Variants in CDH18 observed in about 807,000 individuals in gnomAD.
CDH18 encodes the protein cadherin-18.
Under a neutral mutation model 67.9 loss-of-function variants are expected in CDH18, and 31 were observed. The observed-to-expected ratio is 0.46, with a 90% CI of 0.34 to 0.62. CDH18 has a LOEUF of 0.62. CDH18 is among the 20% of genes least tolerant of loss of function. The pLI is 0.01. For synonymous variants in CDH18, 362 were observed against 347.2 expected, an observed-to-expected ratio of 1.04 and a Z score of -0.48; for missense variants, 890 against 975.5, an observed-to-expected ratio of 0.91 and a Z score of 1.17.
chr5:19,520,439 G>A (rs994620790), intron 10 of CDH18, among the ~76,000 whole-genome samples: 1 of 152,142 alleles, frequency 6.6e-6, no homozygotes, highest in East Asian at 1.9e-4. Flanking sequence ...ATTCATGAAT[G>A]AATTCATTTT....
At chr5:20,426,397 A>T (rs1189445301) in intron 1 of CDH18, among the ~76,000 whole-genome samples, 1 of 151,168 alleles carries the variant, frequency 6.6e-6, no homozygotes, top group Non-Finnish European at 1.5e-5. Context: ...TACTCTTTTA[A>T]CCGTATTTCT....
At chr5:20,208,211 C>A (rs904671128) in intron 2 of CDH18, among the ~76,000 whole-genome samples, 5 of 152,048 alleles carry the variant, frequency 3.3e-5, no homozygotes, top group African/African-American at 1.2e-4. Context: ...TGGCAACAAG[C>A]AAGAGAGAAA....
In CDH18 at chr5:19,625,008, G is replaced by A. The variant is rs76263905; in HGVS notation, c.644-12407C>T. ...CTAGGTGGAGAAAATTGCTGCCCTT[G>A]TAACGGTGGCATTCTAGGAAGGGCA... is the stretch of plus-strand genomic sequence containing the variant. On this transcript the variant is annotated intron_variant, in intron 5 of 12. Transcript: ENST00000382275. 3.6e-3 allele frequency among the ~76,000 whole-genome samples: 545 copies of A among 150,616 alleles called. 29 individuals carry two copies. The East Asian group carries it at 0.095, about 26-fold the overall frequency.
intron 1 of CDH18, among the ~76,000 whole-genome samples, chr5:20,392,475 A>G (rs1448779862): frequency 2.0e-5 from 3 of 151,884 alleles, no homozygotes; most frequent in South Asian, 2.1e-4. Flanking sequence ...TGAGAACTCA[A>G]TTCATATATA....
At chr5:20,089,363 GA>G (rs1298443692) in intron 2 of CDH18, among the ~76,000 whole-genome samples, 1 of 152,096 alleles carries the variant, frequency 6.6e-6, no homozygotes, top group African/African-American at 2.4e-5. Context: ...TATATCAAGT[GA>G]TTAAACTGCA....
chr5:20,177,941 T>C (rs957775608), intron 2 of CDH18, among the ~76,000 whole-genome samples: 2 of 151,884 alleles, frequency 1.3e-5, no homozygotes, highest in African/African-American at 4.9e-5. Flanking sequence ...ATAAGTCCAA[T>C]TAAACCTCTT....
At chr5:19,930,757 T>C (rs1793604163) in intron 2 of CDH18, among the ~76,000 whole-genome samples, 2 of 152,028 alleles carry the variant, frequency 1.3e-5, no homozygotes, top group Admixed American at 1.3e-4. Flanking sequence ...AAACTGCCCT[T>C]GCTTGTAGTG....
intron 5 of CDH18, among the ~76,000 whole-genome samples, chr5:19,711,957 CTG>C (rs1279143347): frequency 2.0e-4 from 30 of 152,186 alleles, no homozygotes; most frequent in Admixed American, 1.5e-3. Flanking sequence ...TACATATACA[CTG>C]TGGAATATTA....
chr5:20,168,676 A>G (rs992681886), intron 2 of CDH18, among the ~76,000 whole-genome samples: 7 of 152,184 alleles, frequency 4.6e-5, no homozygotes, highest in Non-Finnish European at 1.0e-4. Context: ...ACAGTTTGCT[A>G]TCAAAGAGTA....
intron 2 of CDH18, among the ~76,000 whole-genome samples, chr5:19,903,480 A>G (rs1790153184): frequency 6.7e-6 from 1 of 150,028 alleles, no homozygotes; most frequent in Non-Finnish European, 1.5e-5. Flanking sequence ...TAGTATAAAG[A>G]GATCAATATG....
chr5:20,257,259 T>C (rs1326496229), intron 1 of CDH18, among the ~76,000 whole-genome samples: 1 of 152,076 alleles, frequency 6.6e-6, no homozygotes, highest in Non-Finnish European at 1.5e-5. Context: ...AGAATATGTA[T>C]ACTGCAACCC....
Position 20,303,994 on chromosome 5 carries a change from T to C in CDH18, c.-579-48489A>G, listed in dbSNP as rs112363004. The C allele has an allele frequency of 6.9e-3, 6,821 of 986,376 alleles. 120 individuals are homozygous for C. The highest frequency in any genetic ancestry group is 0.052 in the African/African-American group (3,223 of 62,578). The allele number at this position is 986,376 out of a possible 1,614,324, so 61.1% of individuals were successfully genotyped here. A position where few individuals can be genotyped will look rare whatever the true frequency, so the allele number is the denominator to read the frequency against. On this transcript the variant is annotated intron_variant, in intron 1 of 14. Transcript: ENST00000507958. ...GAGAAGAAAAACTAAGTCGAAGGGA[T>C]GGTGGAAGAAGCAGCAACTTGGCAA...
chr5:20,022,822 A>G (rs1259716744), intron 2 of CDH18, among the ~76,000 whole-genome samples: 1 of 152,174 alleles, frequency 6.6e-6, no homozygotes, highest in Non-Finnish European at 1.5e-5. Flanking sequence ...AATATTATGA[A>G]TATGTAATTG....
intron 1 of CDH18, among the ~76,000 whole-genome samples, chr5:19,983,951 A>G (rs1799310668): frequency 6.6e-6 from 1 of 152,204 alleles, no homozygotes; most frequent in Non-Finnish European, 1.5e-5. Flanking sequence ...ACACCCACCA[A>G]TTCAAAGTTC....
intron 1 of CDH18, among the ~76,000 whole-genome samples, chr5:20,398,544 T>C (rs1410666881): frequency 1.3e-5 from 2 of 152,100 alleles, no homozygotes; most frequent in East Asian, 3.9e-4. Flanking sequence ...GAAGCTGGCA[T>C]CAAAAGCAAT....
intron 1 of CDH18, among the ~76,000 whole-genome samples, chr5:20,443,561 T>C (rs1749790150): frequency 2.0e-5 from 3 of 151,902 alleles, no homozygotes; most frequent in Admixed American, 1.3e-4. Flanking sequence ...TCCCGTATTT[T>C]CCTGGAGACA....
chr5:19,755,431 G>GTATATATATATATATA (rs1256145011), intron 3 of CDH18, among the ~76,000 whole-genome samples: 19 of 77,340 alleles, frequency 2.5e-4, no homozygotes, highest in Admixed American at 9.8e-4. Context: ...AACAGGGTAT[G>GTATATATATATATATA]TATATATATA....
chr5:20,371,878 T>G (rs1743030267), intron 1 of CDH18, among the ~76,000 whole-genome samples: 1 of 152,194 alleles, frequency 6.6e-6, no homozygotes, highest in African/African-American at 2.4e-5. Context: ...CATGTAAGTT[T>G]GAGGCTTTGG....
chr5:19,804,293 T>G (rs1451022593), intron 3 of CDH18, among the ~76,000 whole-genome samples: 1 of 144,586 alleles, frequency 6.9e-6, no homozygotes, highest in Non-Finnish European at 1.5e-5. Flanking sequence ...CAGAGCGAGA[T>G]TCCATCTCAA....
Sources: gnomAD v4.1 joint callset for allele counts (sites outside exome capture counted in the v4.1 genomes callset) on GRCh38, gnomAD v4.1.1 for gene constraint, MANE v1.5 for transcripts, NCBI Gene and HGNC (gene_info 2026-07-23, HGNC 2026-07-21) for gene names.